GUCY1A2: variants seen among roughly 807,000 people sequenced by gnomAD.
GUCY1A2 encodes the protein guanylate cyclase 1 soluble subunit alpha 2, also known as guanylate cyclase soluble subunit alpha-2.
In GUCY1A2, 27 loss-of-function variants were observed where a neutral mutation model predicts 63.5. The observed-to-expected ratio is 0.43, with a 90% CI of 0.31 to 0.59. The LOEUF (loss-of-function observed/expected upper bound fraction) is 0.59, where lower values mean the gene tolerates loss of function less well. Ranked by LOEUF, GUCY1A2 falls within the 20% of genes least tolerant of loss-of-function variation. The probability of loss-of-function intolerance (pLI) is 0.11; values close to 1 mark genes in which losing one functional copy is unlikely to be tolerated. For missense variants in GUCY1A2, 768 were observed against 913.3 expected, an observed-to-expected ratio of 0.84 and a Z score of 2.05; for synonymous variants, 364 against 343.5, an observed-to-expected ratio of 1.06 and a Z score of -0.66.
chr11:106,698,553 C>T (rs911717725), intron 7 of GUCY1A2, among the ~76,000 whole-genome samples: 41 of 152,098 alleles, frequency 2.7e-4, no homozygotes, highest in Non-Finnish European at 5.1e-4. Flanking sequence ...AGTGAGTTCT[C>T]TTATATTCTT....
At chr11:106,964,098 G>T (rs552614200) in intron 3 of GUCY1A2, among the ~76,000 whole-genome samples, 2 of 151,932 alleles carry the variant, frequency 1.3e-5, no homozygotes, top group South Asian at 4.2e-4. Flanking sequence ...GTAGGTAGCA[G>T]ACATTATGCC....
intron 3 of GUCY1A2, among the ~76,000 whole-genome samples, chr11:106,951,356 C>A (rs1422047886): frequency 2.0e-5 from 3 of 152,178 alleles, no homozygotes; most frequent in Non-Finnish European, 4.4e-5. Flanking sequence ...ACATTCCCAC[C>A]AACAGTACAA....
chr11:106,946,387 T>C (rs1409395986), intron 3 of GUCY1A2, among the ~76,000 whole-genome samples: 1 of 151,954 alleles, frequency 6.6e-6, no homozygotes. Flanking sequence ...AGAAATATGA[T>C]AAATCAAGAA....
In GUCY1A2 at chr11:106,888,255, G is replaced by A. The variant is rs371326722; in HGVS notation, c.1206+51205C>T. ...GGGTGGATCATGAGGTCAGGAGATC[G>A]AGACCATCCTGGCTAACACCGTGAA... On this transcript the variant is annotated intron_variant, in intron 4 of 7. Coordinates refer to ENST00000526355, the MANE Select transcript of GUCY1A2 (RefSeq NM_000855.3). 5.3e-5 allele frequency among the ~76,000 whole-genome samples: 8 copies of A among 151,668 alleles called. No homozygotes were observed. The South Asian group carries it at 8.3e-4, about 16-fold the overall frequency.
intron 1 of GUCY1A2, among the ~76,000 whole-genome samples, chr11:107,010,851 C>T (rs1861733468): frequency 6.6e-6 from 1 of 152,090 alleles, no homozygotes; most frequent in African/African-American, 2.4e-5. Context: ...CTGCCTCAGC[C>T]TCCCAAGTAG....
At chr11:106,738,699 G>T (rs1165078791) in intron 6 of GUCY1A2, among the ~76,000 whole-genome samples, 1 of 151,994 alleles carries the variant, frequency 6.6e-6, no homozygotes, top group Non-Finnish European at 1.5e-5. Flanking sequence ...ATTAGATGGT[G>T]GTAGATATGT....
At chr11:106,814,391 G>A (rs1450074872) in intron 4 of GUCY1A2, among the ~76,000 whole-genome samples, 2 of 152,068 alleles carry the variant, frequency 1.3e-5, no homozygotes, top group African/African-American at 4.8e-5. Flanking sequence ...TGCTTTCAAA[G>A]AACTAGCTCT....
intron 4 of GUCY1A2, among the ~76,000 whole-genome samples, chr11:106,828,397 G>C (rs969137022): frequency 6.6e-6 from 1 of 152,086 alleles, no homozygotes; most frequent in Admixed American, 6.5e-5. Flanking sequence ...TAGGAGTTCA[G>C]TTGTATTCTT....
rs1198898904 is a variant in GUCY1A2, at chr11:106,709,543, ATATTAT to A, written c.1837-883_1837-878del. On this transcript the variant is annotated intron_variant, in intron 6 of 7. Transcript: ENST00000526355. ...AAATATAATAATAATATAATATATT[ATATTAT>A]TATATAAATATGTTATATACGTGTA... 4.9e-4 allele frequency among the ~76,000 whole-genome samples: 29 copies of A among 58,774 alleles called. No homozygotes were observed. In the East Asian group the frequency reaches 7.4e-3, roughly 15 times the overall value. 38.6% of individuals were successfully genotyped at this position (58,774 alleles called of 152,430 possible).
intron 6 of GUCY1A2, among the ~76,000 whole-genome samples, chr11:106,736,484 G>C (rs1863591317): frequency 6.6e-6 from 1 of 151,956 alleles, no homozygotes; most frequent in African/African-American, 2.4e-5. Context: ...TGTTCTATTA[G>C]CCTATGTGTC....
chr11:106,814,273 A>G (rs948861919), intron 4 of GUCY1A2, among the ~76,000 whole-genome samples: 2 of 152,084 alleles, frequency 1.3e-5, no homozygotes, highest in East Asian at 3.9e-4. Flanking sequence ...CTGGTCTTTC[A>G]GATCCCTGCA....
At chr11:106,779,732 A>C (rs1188890086) in intron 5 of GUCY1A2, among the ~76,000 whole-genome samples, 1 of 152,206 alleles carries the variant, frequency 6.6e-6, no homozygotes, top group Non-Finnish European at 1.5e-5. Flanking sequence ...TTAGTTAGTT[A>C]TATGTTGCAT....
At chr11:106,735,082 A>G (rs1031549001) in intron 6 of GUCY1A2, among the ~76,000 whole-genome samples, 5 of 152,110 alleles carry the variant, frequency 3.3e-5, no homozygotes, top group Non-Finnish European at 5.9e-5. Flanking sequence ...TGTAATAATC[A>G]CATCAGGGTA....
At chr11:106,728,635 T>G (rs534230761) in intron 6 of GUCY1A2, among the ~76,000 whole-genome samples, 39 of 152,320 alleles carry the variant, frequency 2.6e-4, no homozygotes, top group Admixed American at 2.6e-3. Context: ...GCATGCATGC[T>G]TAGGCAAAAA....
intron 4 of GUCY1A2, among the ~76,000 whole-genome samples, chr11:106,860,675 T>G (rs1322976331): frequency 6.6e-6 from 1 of 152,020 alleles, no homozygotes; most frequent in Admixed American, 6.6e-5. Context: ...ATATTTTAGC[T>G]TCTCAGAGCT....
intron 6 of GUCY1A2, among the ~76,000 whole-genome samples, chr11:106,756,733 C>T (rs1226560534): frequency 6.6e-6 from 1 of 152,330 alleles, no homozygotes; most frequent in East Asian, 1.9e-4. Flanking sequence ...GTCTGATGAG[C>T]TTCCCTTTGT....
At chr11:106,803,556 G>A (rs1052433793) in intron 5 of GUCY1A2, among the ~76,000 whole-genome samples, 8 of 151,900 alleles carry the variant, frequency 5.3e-5, no homozygotes, top group African/African-American at 1.2e-4. Flanking sequence ...AGACACACGC[G>A]CTTCCCATAT....
At chr11:106,975,644 C>G (rs910480512) in intron 3 of GUCY1A2, among the ~76,000 whole-genome samples, 1 of 152,084 alleles carries the variant, frequency 6.6e-6, no homozygotes, top group Admixed American at 6.5e-5. Flanking sequence ...AATCAATATC[C>G]GTAATTTGTA....
intron 4 of GUCY1A2, among the ~76,000 whole-genome samples, chr11:106,861,063 G>A (rs191729105): frequency 6.6e-6 from 1 of 151,880 alleles, no homozygotes; most frequent in Non-Finnish European, 1.5e-5. Context: ...ATCCTCCTGA[G>A]TCTCCTTGAA....
Sources: allele counts gnomAD v4.1 joint callset (sites outside exome capture counted in the v4.1 genomes callset), GRCh38; gene constraint gnomAD v4.1.1; transcripts MANE v1.5; gene names NCBI Gene and HGNC (gene_info 2026-07-23, HGNC 2026-07-21).